The following FGF12 variants were observed in gnomAD, a reference collection of about 807,000 sequenced individuals.
FGF12 encodes fibroblast growth factor 12B.
In FGF12, 14 loss-of-function variants were observed where a neutral mutation model predicts 23.6. The ratio of observed to expected loss-of-function variants is 0.59; its 90% confidence interval spans 0.39 to 0.93. The LOEUF (loss-of-function observed/expected upper bound fraction) is 0.93, where lower values mean the gene tolerates loss of function less well. Among genes scored for constraint, FGF12 ranks in the 40% least tolerant of loss-of-function variants. The pLI, the probability that FGF12 is intolerant of heterozygous loss-of-function variation, is 0.00. For synonymous variants in FGF12, 62 were observed against 77.3 expected (o/e 0.80, Z 1.04); for missense variants, 175 against 217.8 (o/e 0.80, Z 1.24).
chr3:192,528,423 T>C lies in FGF12; in HGVS notation c.14-167885A>G, dbSNP rs1163343963. On this transcript the variant is annotated intron_variant, in intron 2 of 5. Transcript: ENST00000445105. Reference sequence around the variant, plus strand: ...TCTTGGGCAGCTCGGCAACTGTGGCTTTGCAGGGTAGAGCCTCTCTCTCAG... The same window carrying C: ...TCTTGGGCAGCTCGGCAACTGTGGCCTTGCAGGGTAGAGCCTCTCTCTCAG... Among the ~76,000 whole-genome samples the C allele has an allele frequency of 3.3e-5, 5 of 152,130 alleles. No homozygotes were observed. In the East Asian group the frequency reaches 7.7e-4, roughly 24 times the overall value.
intron 2 of FGF12, among the ~76,000 whole-genome samples, chr3:192,494,221 T>C (rs1471148974): frequency 2.6e-5 from 4 of 152,178 alleles, no homozygotes; most frequent in Non-Finnish European, 4.4e-5. Flanking sequence ...ACACAGAATA[T>C]GGGAGCTAGA....
At chr3:192,620,282 C>G (rs536088289) in intron 2 of FGF12, among the ~76,000 whole-genome samples, 1 of 151,974 alleles carries the variant, frequency 6.6e-6, no homozygotes, top group South Asian at 2.1e-4. Context: ...ACACTCAAAC[C>G]TGAAAAATAT....
intron 2 of FGF12, among the ~76,000 whole-genome samples, chr3:192,512,385 T>C (rs965019416): frequency 1.3e-5 from 2 of 152,016 alleles, no homozygotes; most frequent in African/African-American, 4.8e-5. Flanking sequence ...TAGAACACAA[T>C]GATAAAAGGA....
intron 2 of FGF12, among the ~76,000 whole-genome samples, chr3:192,550,047 A>G (rs902604610): frequency 1.3e-5 from 2 of 152,000 alleles, no homozygotes; most frequent in African/African-American, 4.8e-5. Context: ...TGTATATTAT[A>G]TATACACACA....
intron 2 of FGF12, among the ~76,000 whole-genome samples, chr3:192,541,959 T>A (rs1054762853): frequency 1.3e-5 from 2 of 151,974 alleles, no homozygotes; most frequent in African/African-American, 4.8e-5. Context: ...ATCCTTTCTT[T>A]ATCTTTGACG....
chr3:192,649,689 G>A (rs769183445), intron 2 of FGF12, among the ~76,000 whole-genome samples: 21 of 151,588 alleles, frequency 1.4e-4, no homozygotes, highest in Non-Finnish European at 2.2e-4. Flanking sequence ...GTAGGAGTGC[G>A]GAATTATAGG....
chr3:192,405,803 C>T (rs1209349518), intron 2 of FGF12, among the ~76,000 whole-genome samples: 1 of 152,198 alleles, frequency 6.6e-6, no homozygotes, highest in Non-Finnish European at 1.5e-5. Flanking sequence ...AGCAAATCAA[C>T]AGATTAATTA....
intron 2 of FGF12, among the ~76,000 whole-genome samples, chr3:192,576,184 GAATGTTGCCT>G: frequency 6.6e-6 from 1 of 152,164 alleles, no homozygotes; most frequent in African/African-American, 2.4e-5. Flanking sequence ...GAAAAATAAT[GAATGTTGCCT>G]TTGGGTTAGA....
At chr3:192,600,498 A>G (rs541998111) in intron 2 of FGF12, among the ~76,000 whole-genome samples, 52 of 152,238 alleles carry the variant, frequency 3.4e-4, no homozygotes, top group African/African-American at 1.2e-3. Flanking sequence ...TAACCAACAA[A>G]GTGAAAAGGC....
intron 4 of FGF12, among the ~76,000 whole-genome samples, chr3:192,196,250 C>T (rs1717061912): frequency 6.6e-6 from 1 of 152,074 alleles, no homozygotes; most frequent in South Asian, 2.1e-4. Context: ...CCCAAGTGTT[C>T]CTCAATGGAC....
At chr3:192,614,403 C>T (rs1301595594) in intron 2 of FGF12, among the ~76,000 whole-genome samples, 1 of 151,744 alleles carries the variant, frequency 6.6e-6, no homozygotes, top group African/African-American at 2.4e-5. Context: ...AAGGAAGAAA[C>T]CTATATCCTG....
intron 4 of FGF12, among the ~76,000 whole-genome samples, chr3:192,272,825 G>A (rs949100049): frequency 6.6e-6 from 1 of 152,142 alleles, no homozygotes; most frequent in Admixed American, 6.6e-5. Context: ...TCCTTTCCCA[G>A]TCTGATGCTC....
chr3:192,647,962 C>T (rs992540164), intron 2 of FGF12, among the ~76,000 whole-genome samples: 1 of 151,866 alleles, frequency 6.6e-6, no homozygotes, highest in Non-Finnish European at 1.5e-5. Flanking sequence ...CATCTATTAT[C>T]AAATGTGATC....
chr3:192,662,345 T>A (rs1039137919), intron 2 of FGF12, among the ~76,000 whole-genome samples: 1 of 152,210 alleles, frequency 6.6e-6, no homozygotes, highest in African/African-American at 2.4e-5. Context: ...TCATTTTCAT[T>A]ACAGATTCAT....
intron 4 of FGF12, among the ~76,000 whole-genome samples, chr3:192,300,755 C>T (rs1715304008): frequency 6.6e-6 from 1 of 152,108 alleles, no homozygotes; most frequent in African/African-American, 2.4e-5. Context: ...CAGTGGCTCA[C>T]ATCTGTAATC....
chr3:192,446,916 C>T (rs1722371154), intron 2 of FGF12, among the ~76,000 whole-genome samples: 2 of 152,192 alleles, frequency 1.3e-5, no homozygotes, highest in South Asian at 2.1e-4. Flanking sequence ...TCCACCATCA[C>T]GTGTCCTGTC....
intron 4 of FGF12, among the ~76,000 whole-genome samples, chr3:192,229,032 T>C (rs1185655691): frequency 2.0e-5 from 3 of 152,036 alleles, no homozygotes; most frequent in African/African-American, 7.2e-5. Context: ...GTAGAGCTTA[T>C]TATATTGTGA....
chr3:192,318,264 A>C (rs1227017684), intron 4 of FGF12, among the ~76,000 whole-genome samples: 1 of 152,236 alleles, frequency 6.6e-6, no homozygotes, highest in Non-Finnish European at 1.5e-5. Context: ...ATAAGACCCC[A>C]GGGACCAATC....
chr3:192,675,450 TCAGA>T (rs1717295946), intron 2 of FGF12, among the ~76,000 whole-genome samples: 2 of 152,290 alleles, frequency 1.3e-5, no homozygotes, highest in East Asian at 3.9e-4. Context: ...TTATGCACAC[TCAGA>T]CATTTTTGAG....
Sources: gnomAD v4.1 joint callset for allele counts (sites outside exome capture counted in the v4.1 genomes callset) on GRCh38, gnomAD v4.1.1 for gene constraint, MANE v1.5 for transcripts, NCBI Gene and HGNC (gene_info 2026-07-23, HGNC 2026-07-21) for gene names.